ADAMTS12: variants seen among roughly 807,000 people sequenced by gnomAD.
ADAMTS12 encodes ADAM metallopeptidase with thrombospondin type 1 motif 12, also known as A disintegrin and metalloproteinase with thrombospondin motifs 12.
In ADAMTS12, 118 loss-of-function variants were observed where a neutral mutation model predicts 167.8. The ratio of observed to expected loss-of-function variants is 0.70; its 90% CI spans 0.61 to 0.82. The LOEUF is 0.82. ADAMTS12 is among the 40% of genes least tolerant of loss of function. The pLI, the probability that ADAMTS12 is intolerant of heterozygous loss-of-function variation, is 0.00. For missense variants in ADAMTS12, 1,916 were observed against 1,998.8 expected, an observed-to-expected ratio of 0.96 and a Z score of 0.79; for synonymous variants, 704 against 716.9, an observed-to-expected ratio of 0.98 and a Z score of 0.29.
At chr5:33,852,520 C>T (rs554016457) in intron 2 of ADAMTS12, among the ~76,000 whole-genome samples, 16 of 152,204 alleles carry the variant, frequency 1.1e-4, no homozygotes, top group African/African-American at 3.4e-4. Flanking sequence ...ACACCAAATG[C>T]GGCCGTTTAG....
At chr5:33,705,987 T>A (rs1474115192) in intron 3 of ADAMTS12, among the ~76,000 whole-genome samples, 2 of 152,140 alleles carry the variant, frequency 1.3e-5, no homozygotes, top group African/African-American at 4.8e-5. Context: ...GGACACAAAC[T>A]GATCTTCCAT....
At chr5:33,643,973 AG>A (rs1433855067) in intron 9 of ADAMTS12, among the ~76,000 whole-genome samples, 1 of 152,226 alleles carries the variant, frequency 6.6e-6, no homozygotes, top group East Asian at 1.9e-4. Flanking sequence ...CCAGGAAGAG[AG>A]CTGCATATTC....
rs530191990 is a variant in ADAMTS12 at position 33,681,034 on chromosome 5, C to CATTTTCAT, written c.915+1976_915+1983dup. Among the ~76,000 whole-genome samples the CATTTTCAT allele has an allele frequency of 1.1e-3, 161 of 152,300 alleles. 1 individual carries two copies. In the Middle Eastern group the frequency reaches 0.027, roughly 26 times the overall value. ...CCAATCAATGGTAAACAAGCAGTTA[C>CATTTTCAT]ATTTTCATAGAGTAAGATAGGTATC... On this transcript the variant is annotated intron_variant, in intron 5 of 23. Transcript: ENST00000504830.
intron 2 of ADAMTS12, among the ~76,000 whole-genome samples, chr5:33,799,754 G>A (rs1009106030): frequency 6.7e-6 from 1 of 150,340 alleles, no homozygotes; most frequent in Non-Finnish European, 1.5e-5. Flanking sequence ...TCTGAAAGCA[G>A]GATGGTAGAA....
Position 33,891,744 on chromosome 5 carries a change from G to A in ADAMTS12, c.113C>T (p.Pro38Leu). Residue 38 changes from proline to leucine, a missense_variant, in exon 1 of 24, where the codon CCG becomes CTG. Coordinates refer to ENST00000504830, the MANE Select transcript of ADAMTS12 (RefSeq NM_030955.4). ...RQPQPGPVRF[P>L]DRRQEHFIKG... Reference sequence around the variant, plus strand: ...GAGTCACTAACCTTGCCTCCTGTCCGGGAAGCGAACCGGGCCTGGCTGAGG... The same window carrying A: ...GAGTCACTAACCTTGCCTCCTGTCCAGGAAGCGAACCGGGCCTGGCTGAGG... 1 of 1,614,146 alleles carries A rather than the reference G, an allele frequency of 6.2e-7. No individual in the cohort carries two copies. The highest frequency in any genetic ancestry group is 8.5e-7 in the Non-Finnish European group (1 of 1,180,028).
intron 5 of ADAMTS12, among the ~76,000 whole-genome samples, chr5:33,678,062 G>C (rs1247546016): frequency 2.0e-5 from 3 of 152,116 alleles, no homozygotes; most frequent in African/African-American, 7.2e-5. Flanking sequence ...AGAACGACAA[G>C]AGTGATAGAA....
At chr5:33,668,382 G>A (rs961843826) in intron 5 of ADAMTS12, among the ~76,000 whole-genome samples, 2 of 152,186 alleles carry the variant, frequency 1.3e-5, no homozygotes, top group African/African-American at 4.8e-5. Flanking sequence ...TGGAACCATT[G>A]TAAGGGGACA....
At chr5:33,694,473 A>G (rs1185044538) in intron 3 of ADAMTS12, among the ~76,000 whole-genome samples, 4 of 151,338 alleles carry the variant, frequency 2.6e-5, no homozygotes, top group Non-Finnish European at 4.4e-5. Context: ...AAGGAGAGAA[A>G]AATTACCCTT....
At chr5:33,821,215 T>C (rs1561290135) in intron 2 of ADAMTS12, among the ~76,000 whole-genome samples, 1 of 152,216 alleles carries the variant, frequency 6.6e-6, no homozygotes, top group African/African-American at 2.4e-5. Flanking sequence ...ACTACATTTA[T>C]ATCTATAATC....
intron 3 of ADAMTS12, among the ~76,000 whole-genome samples, chr5:33,691,437 T>C (rs529631448): frequency 2.0e-5 from 3 of 152,352 alleles, no homozygotes; most frequent in African/African-American, 7.2e-5. Context: ...TGATGATCTA[T>C]ATGGAAATGA....
chr5:33,714,856 T>C (rs1250172984), intron 3 of ADAMTS12, among the ~76,000 whole-genome samples: 1 of 152,070 alleles, frequency 6.6e-6, no homozygotes, highest in Non-Finnish European at 1.5e-5. Flanking sequence ...TACAGTTACA[T>C]AGAAGGATTA....
At chr5:33,855,184 T>C (rs1579994946) in intron 2 of ADAMTS12, among the ~76,000 whole-genome samples, 4 of 152,332 alleles carry the variant, frequency 2.6e-5, no homozygotes, top group Admixed American at 2.6e-4. Flanking sequence ...GAATTTTCCA[T>C]CTGGGCCAAG....
intron 23 of ADAMTS12, among the ~76,000 whole-genome samples, chr5:33,533,963 A>AG (rs1448296081): frequency 6.6e-6 from 1 of 152,092 alleles, no homozygotes; most frequent in East Asian, 1.9e-4. Context: ...AGGGCTATCA[A>AG]ATTTTTCTTT....
chr5:33,673,023 T>G (rs1741773161), intron 5 of ADAMTS12, among the ~76,000 whole-genome samples: 1 of 152,186 alleles, frequency 6.6e-6, no homozygotes, highest in Admixed American at 6.5e-5. Flanking sequence ...CTGGAAAGAC[T>G]TAGTAATTAA....
chr5:33,880,777 T>C (rs937099016), intron 2 of ADAMTS12: 1 of 263,516 alleles, frequency 3.8e-6, no homozygotes, highest in Admixed American at 4.7e-5. Flanking sequence ...TCATTCAAAA[T>C]ACGCTGTCCA....
intron 2 of ADAMTS12, among the ~76,000 whole-genome samples, chr5:33,866,548 T>C (rs1019971180): frequency 1.3e-5 from 2 of 152,138 alleles, no homozygotes; most frequent in Non-Finnish European, 2.9e-5. Flanking sequence ...AAAATATTTA[T>C]GACTAGGACC....
intron 21 of ADAMTS12, among the ~76,000 whole-genome samples, chr5:33,546,944 T>C (rs1199065284): frequency 1.3e-5 from 2 of 152,208 alleles, no homozygotes; most frequent in Non-Finnish European, 2.9e-5. Flanking sequence ...CTTGCAAACA[T>C]CATGTCCATC....
rs186781673 is a variant in ADAMTS12 at position 33,636,668 on chromosome 5, A to G, written c.1888+909T>C. Among the ~76,000 whole-genome samples, 58 of 152,326 alleles carry G rather than the reference A, an allele frequency of 3.8e-4. 1 individual carries two copies. The South Asian group carries it at 8.9e-3, about 23-fold the overall frequency. On this transcript the variant is annotated intron_variant, in intron 12 of 23. Transcript: ENST00000504830. ...TGATTTTTCTTGTGCCCTATTCACAATGGATTTTCTGGAACTCAAAAATCA... is the reference window on the plus strand; with the variant it reads ...TGATTTTTCTTGTGCCCTATTCACAGTGGATTTTCTGGAACTCAAAAATCA...
rs148650908 is a variant in ADAMTS12, at chr5:33,861,266, C to T, written c.489+19853G>A. On this transcript the variant is annotated intron_variant, in intron 2 of 23. Transcript: ENST00000504830. Reference sequence around the variant, plus strand: ...TGGATAGAGTCAAGACCCATCAATGCGCTGTATTCAGAAGACCAATCTCAC... The same window carrying T: ...TGGATAGAGTCAAGACCCATCAATGTGCTGTATTCAGAAGACCAATCTCAC... Among the ~76,000 whole-genome samples, 158 of 152,142 alleles carry T rather than the reference C, an allele frequency of 1.0e-3. 1 individual carries two copies. Among genetic ancestry groups the T allele is most frequent in the Non-Finnish European group, 1.4e-3 (96 of 67,982 alleles).
Sources: allele counts gnomAD v4.1 joint callset (sites outside exome capture counted in the v4.1 genomes callset), GRCh38; gene constraint gnomAD v4.1.1; transcripts MANE v1.5; gene names NCBI Gene and HGNC (gene_info 2026-07-23, HGNC 2026-07-21).